Variants in APIP observed in about 807,000 individuals in gnomAD.
APIP encodes the protein APAF1 interacting protein.
A neutral mutation model predicts 32.0 loss-of-function variants in APIP; 32 were observed. The observed-to-expected ratio is 1.00, with a 90% CI of 0.76 to 1.34. The LOEUF (loss-of-function observed/expected upper bound fraction) is 1.34. Ranked by LOEUF, APIP falls within the 40% of genes most tolerant of loss-of-function variation. The pLI, the probability that APIP is intolerant of heterozygous loss-of-function variation, is 0.00. For missense variants in APIP, 247 were observed against 298.6 expected, an observed-to-expected ratio of 0.83 and a Z score of 1.27; for synonymous variants, 92 against 94.8, an observed-to-expected ratio of 0.97 and a Z score of 0.17.
intron 1 of APIP, among the ~76,000 whole-genome samples, chr11:34,910,914 T>C (rs921518472): frequency 5.3e-5 from 8 of 152,164 alleles, no homozygotes; most frequent in African/African-American, 1.9e-4. Context: ...TCACACCTAA[T>C]AGCTTTCAGT....
intron 1 of APIP, among the ~76,000 whole-genome samples, chr11:34,912,715 AC>A (rs1285043611): frequency 6.6e-6 from 1 of 152,178 alleles, no homozygotes; most frequent in Non-Finnish European, 1.5e-5. Context: ...CGACTTGAAC[AC>A]TGGACTCCAA....
intron 1 of APIP, among the ~76,000 whole-genome samples, chr11:34,905,744 G>T (rs879301726): frequency 3.9e-5 from 6 of 152,138 alleles, no homozygotes; most frequent in African/African-American, 1.4e-4. Flanking sequence ...AGCCCCGATG[G>T]GAGTGGCATG....
intron 1 of APIP, chr11:34,896,709 C>T (rs1054189256): frequency 2.9e-5 from 34 of 1,165,208 alleles, no homozygotes; most frequent in Non-Finnish European, 3.6e-5. Context: ...TATCCCAGAA[C>T]TTAAAAGCAT....
At chr11:34,902,751 G>A (rs1222404472) in intron 1 of APIP, among the ~76,000 whole-genome samples, 1 of 152,184 alleles carries the variant, frequency 6.6e-6, no homozygotes, top group African/African-American at 2.4e-5. Context: ...TGCTCAAGGT[G>A]CCAGCCCTCA....
At chr11:34,904,907 A>G (rs969691682) in intron 1 of APIP, among the ~76,000 whole-genome samples, 2 of 152,242 alleles carry the variant, frequency 1.3e-5, no homozygotes, top group African/African-American at 4.8e-5. Flanking sequence ...TCACAAAAGT[A>G]ACTGAATGAA....
At chr11:34,883,215 T>G (rs1257205090) in intron 6 of APIP, 122 bp downstream of exon 6, 5 of 1,099,122 alleles carry the variant, frequency 4.5e-6, no homozygotes, top group Non-Finnish European at 5.1e-6. Context: ...GGATACATAA[T>G]AAAAATAAAG....
chr11:34,890,599 T>A lies in APIP; in HGVS notation c.159-47A>T, dbSNP rs190666642. 1.2e-4 allele frequency: 186 copies of A among 1,599,302 alleles called. 2 individuals carry two copies. In the East Asian group the frequency reaches 3.5e-3, roughly 30 times the overall value. On this transcript the variant is annotated intron_variant, in intron 2 of 6. Coordinates refer to ENST00000395787, the MANE Select transcript of APIP (RefSeq NM_015957.4). ...ATTGGTATTTATTTATTTCCTGCTT[T>A]TGCACAAAGAAAAGTTTGCAGTCCA... is the stretch of plus-strand genomic sequence containing the variant.
intron 1 of APIP, among the ~76,000 whole-genome samples, chr11:34,897,010 C>G (rs935568909): frequency 6.6e-6 from 1 of 152,126 alleles, no homozygotes; most frequent in Non-Finnish European, 1.5e-5. Flanking sequence ...AGGAAGCATG[C>G]CTTTACAGAT....
In APIP at chr11:34,888,858, C is replaced by A; in HGVS notation, c.219G>T (p.Met73Ile). 6.7e-7 allele frequency: 1 copy of A among 1,484,982 alleles called. No individual in the cohort carries two copies. Among genetic ancestry groups the A allele is most frequent in the South Asian group, 1.5e-5 (1 of 68,606 alleles). The allele number at this position is 1,484,982 out of a possible 1,614,324, so 92.0% of individuals were successfully genotyped here. A position where few individuals can be genotyped will look rare whatever the true frequency, so the allele number is the denominator to read the frequency against. ...CCTTTTCATTTATATCACAAACAAACATGTCTTCAGGCTATTTATAGAGGG... is the reference window on the plus strand; with the variant it reads ...CCTTTTCATTTATATCACAAACAAAAATGTCTTCAGGCTATTTATAGAGGG... ...VQKERIQPEDMFVCDINEKDI... is the reference protein window; with the variant it reads ...VQKERIQPEDIFVCDINEKDI... Residue 73 changes from methionine to isoleucine, a missense_variant, in exon 4 of 7, where the codon ATG becomes ATT. Coordinates refer to ENST00000395787, the MANE Select transcript of APIP (RefSeq NM_015957.4).
chr11:34,884,839 T>C (rs1213100766), intron 5 of APIP, among the ~76,000 whole-genome samples: 1 of 152,058 alleles, frequency 6.6e-6, no homozygotes, highest in Non-Finnish European at 1.5e-5. Flanking sequence ...ATGCACTCAA[T>C]AGTCAGAAAT....
intron 1 of APIP, among the ~76,000 whole-genome samples, chr11:34,908,957 G>A (rs1231685195): frequency 2.0e-5 from 3 of 152,022 alleles, no homozygotes; most frequent in African/African-American, 4.8e-5. Context: ...AGTTTGAAAC[G>A]TAAGATATGT....
At chr11:34,891,771 T>A (rs1853190923) in intron 2 of APIP, among the ~76,000 whole-genome samples, 1 of 152,170 alleles carries the variant, frequency 6.6e-6, no homozygotes, top group African/African-American at 2.4e-5. Context: ...AACATAAGGA[T>A]AACATAAAGG....
intron 1 of APIP, among the ~76,000 whole-genome samples, chr11:34,897,837 A>G (rs529202398): frequency 1.3e-5 from 2 of 152,158 alleles, no homozygotes; most frequent in Admixed American, 6.5e-5. Context: ...TTCGTGGGCT[A>G]CCTGAGTGAC....
chr11:34,908,140 T>C (rs1378295137), intron 1 of APIP, among the ~76,000 whole-genome samples: 1 of 152,142 alleles, frequency 6.6e-6, no homozygotes, highest in Non-Finnish European at 1.5e-5. Flanking sequence ...ATAATATAAG[T>C]AACGAGGAAT....
At chr11:34,913,615 A>G (rs1376971835) in intron 1 of APIP, among the ~76,000 whole-genome samples, 1 of 152,200 alleles carries the variant, frequency 6.6e-6, no homozygotes. Context: ...GCGGACCCAT[A>G]GAGTGAGCAG....
intron 1 of APIP, 59 bp downstream of exon 1, chr11:34,916,169 C>A (rs1239853973): frequency 4.0e-5 from 63 of 1,569,362 alleles, no homozygotes; most frequent in Non-Finnish European, 5.3e-5. Flanking sequence ...CTCCAGCCGC[C>A]GGGTCCCGCC....
At chr11:34,910,005 C>T (rs779695416) in intron 1 of APIP, among the ~76,000 whole-genome samples, 77 of 152,098 alleles carry the variant, frequency 5.1e-4, no homozygotes, top group Non-Finnish European at 9.1e-4. Context: ...GTATGAGAGG[C>T]TTGACAAGAG....
intron 1 of APIP, among the ~76,000 whole-genome samples, chr11:34,901,779 C>T (rs1173183269): frequency 6.6e-6 from 1 of 152,182 alleles, no homozygotes; most frequent in Non-Finnish European, 1.5e-5. Context: ...TAACATTAAA[C>T]TACAAGTGTG....
chr11:34,897,516 G>T (rs1347336989), intron 1 of APIP, among the ~76,000 whole-genome samples: 2 of 150,848 alleles, frequency 1.3e-5, no homozygotes, highest in East Asian at 1.9e-4. Context: ...AGACAGAGAG[G>T]GTAAGGTTGG....
Sources: gnomAD v4.1 joint callset for allele counts (sites outside exome capture counted in the v4.1 genomes callset) on GRCh38, gnomAD v4.1.1 for gene constraint, MANE v1.5 for transcripts, NCBI Gene and HGNC (gene_info 2026-07-23, HGNC 2026-07-21) for gene names.